Variants in SLC4A4 observed in about 807,000 individuals in gnomAD.
The protein encoded by SLC4A4 is solute carrier family 4 member 4.
In SLC4A4, 27 loss-of-function variants were observed where a neutral mutation model predicts 111.5. The ratio of observed to expected loss-of-function variants is 0.24; its 90% CI spans 0.18 to 0.33. SLC4A4 has a LOEUF of 0.33. Ranked by LOEUF, SLC4A4 falls within the 10% of genes least tolerant of loss-of-function variation. The probability of loss-of-function intolerance (pLI) is 1.00; values close to 1 mark genes in which losing one functional copy is unlikely to be tolerated. For synonymous variants in SLC4A4, 443 were observed against 463.4 expected (o/e 0.96, Z 0.57); for missense variants, 909 against 1,315.5 (o/e 0.69, Z 4.78).
intron 1 of SLC4A4, among the ~76,000 whole-genome samples, chr4:71,196,490 C>T (rs1201372645): frequency 2.0e-5 from 3 of 152,106 alleles, no homozygotes; most frequent in Non-Finnish European, 2.9e-5. Flanking sequence ...AAACACTTAC[C>T]TATTTTTATT....
At chr4:71,198,685 G>A (rs890894959) in intron 1 of SLC4A4, among the ~76,000 whole-genome samples, 1 of 152,162 alleles carries the variant, frequency 6.6e-6, no homozygotes, top group East Asian at 1.9e-4. Context: ...AGAGAAATAG[G>A]CTGGGTGCCT....
chr4:71,444,242 T>C (rs528783550), intron 8 of SLC4A4, among the ~76,000 whole-genome samples: 1 of 152,324 alleles, frequency 6.6e-6, no homozygotes, highest in East Asian at 1.9e-4. Context: ...AATGTGAGTA[T>C]AGGCCGTTGG....
At chr4:71,164,362 A>G (rs994989901) in intron 2 of SLC4A4, among the ~76,000 whole-genome samples, 4 of 150,882 alleles carry the variant, frequency 2.7e-5, no homozygotes, top group African/African-American at 4.9e-5. Context: ...CCTGGGGAAC[A>G]GAGGGAGACT....
intron 7 of SLC4A4, among the ~76,000 whole-genome samples, chr4:71,420,633 T>C (rs1387295362): frequency 1.3e-5 from 2 of 152,152 alleles, no homozygotes; most frequent in East Asian, 3.8e-4. Context: ...TAACAGCGGA[T>C]CTCTCATCAG....
At chr4:71,341,477 A>G (rs189561893) in intron 4 of SLC4A4, among the ~76,000 whole-genome samples, 10 of 152,298 alleles carry the variant, frequency 6.6e-5, no homozygotes, top group Admixed American at 5.2e-4. Context: ...GCTTTAATCA[A>G]TTAGAGCAGA....
At chr4:71,459,446 C>G (rs774397577) in intron 12 of SLC4A4, among the ~76,000 whole-genome samples, 2 of 152,048 alleles carry the variant, frequency 1.3e-5, no homozygotes, top group African/African-American at 4.8e-5. Context: ...CATGTGTATA[C>G]AGATAGATTG....
At chr4:71,124,188 T>G (rs1395328005) in intron 2 of SLC4A4, among the ~76,000 whole-genome samples, 1 of 151,534 alleles carries the variant, frequency 6.6e-6, no homozygotes, top group African/African-American at 2.4e-5. Context: ...TTTTTTTTTT[T>G]TTTGTGACAG....
intron 16 of SLC4A4, among the ~76,000 whole-genome samples, chr4:71,511,567 A>G (rs1218956610): frequency 6.6e-6 from 1 of 151,938 alleles, no homozygotes; most frequent in Non-Finnish European, 1.5e-5. Flanking sequence ...ATTTTATTTT[A>G]TTTATTGCAC....
chr4:71,308,443 A>G (rs140942403), intron 3 of SLC4A4, among the ~76,000 whole-genome samples: 61 of 152,292 alleles, frequency 4.0e-4, no homozygotes, highest in African/African-American at 1.4e-3. Context: ...AAAATGGCCA[A>G]ATAGGAAGAG....
chr4:71,089,731 T>A (rs1742319994), intron 1 of SLC4A4, among the ~76,000 whole-genome samples: 1 of 151,834 alleles, frequency 6.6e-6, no homozygotes, highest in African/African-American at 2.4e-5. Context: ...GAAGAGCAAA[T>A]GTTGCTGCCT....
intron 8 of SLC4A4, among the ~76,000 whole-genome samples, chr4:71,443,116 C>CTCTCTCTCTCTCTCTCTCTCTATA (rs1198759861): frequency 1.5e-5 from 1 of 65,658 alleles, no homozygotes; most frequent in African/African-American, 8.7e-5. Flanking sequence ...CTCTCTCTCT[C>CTCTCTCTCTCTCTCTCTCTCTATA]TATATATATA....
chr4:71,480,779 C>T (rs1420855145), intron 14 of SLC4A4, among the ~76,000 whole-genome samples: 1 of 151,590 alleles, frequency 6.6e-6, no homozygotes, highest in African/African-American at 2.4e-5. Flanking sequence ...TGCCACATAG[C>T]TGTAACCCTA....
intron 1 of SLC4A4, among the ~76,000 whole-genome samples, chr4:71,205,737 C>A (rs1017544601): frequency 6.6e-6 from 1 of 152,198 alleles, no homozygotes; most frequent in Non-Finnish European, 1.5e-5. Context: ...AGCCTGTCAG[C>A]TGCAAGACAT....
Position 71,571,087 on chromosome 4 carries a change from G to C in SLC4A4, c.*3336G>C. On this transcript the variant is annotated 3_prime_UTR_variant, in exon 26 of 26. Transcript: ENST00000264485. ...ATACAGAGTAAATCTTTTATCAACT[G>C]TATACTGGTGTTTAATAGAGAATGA... is the stretch of plus-strand genomic sequence containing the variant. 1 of 152,320 alleles carries C rather than the reference G, an allele frequency of 6.6e-6. No individual in the cohort carries two copies. The highest frequency in any genetic ancestry group is 1.9e-4 in the East Asian group (1 of 5,136). 9.4% of individuals were successfully genotyped at this position (152,320 alleles called of 1,614,324 possible).
intron 3 of SLC4A4, among the ~76,000 whole-genome samples, chr4:71,334,379 T>C (rs1267832164): frequency 6.6e-6 from 1 of 152,026 alleles, no homozygotes; most frequent in Non-Finnish European, 1.5e-5. Flanking sequence ...GCTAAGCTGG[T>C]ATCCAAGTTG....
chr4:71,478,493 C>T (rs184307690), intron 14 of SLC4A4, among the ~76,000 whole-genome samples: 467 of 151,472 alleles, frequency 3.1e-3, no homozygotes, highest in African/African-American at 0.011. Flanking sequence ...TCATTCTCAG[C>T]AAACTAACAT....
intron 2 of SLC4A4, among the ~76,000 whole-genome samples, chr4:71,143,928 T>G (rs2148967865): frequency 6.6e-6 from 1 of 152,338 alleles, no homozygotes; most frequent in Admixed American, 6.5e-5. Context: ...TTTCTTTTGC[T>G]GTGCAGAAGC....
intron 7 of SLC4A4, among the ~76,000 whole-genome samples, chr4:71,428,867 A>G (rs1723388373): frequency 1.3e-5 from 2 of 152,088 alleles, no homozygotes; most frequent in Non-Finnish European, 2.9e-5. Context: ...AAAAAGAACG[A>G]GAAAGTATAC....
chr4:71,316,280 T>G (rs1726669398), intron 3 of SLC4A4, among the ~76,000 whole-genome samples: 1 of 152,160 alleles, frequency 6.6e-6, no homozygotes, highest in Non-Finnish European at 1.5e-5. Context: ...TGAAAAAGTC[T>G]TGCTGCGCTT....
Sources: allele counts gnomAD v4.1 joint callset (sites outside exome capture counted in the v4.1 genomes callset), GRCh38; gene constraint gnomAD v4.1.1; transcripts MANE v1.5; gene names NCBI Gene and HGNC (gene_info 2026-07-23, HGNC 2026-07-21).